EFNA5: variants seen among roughly 807,000 people sequenced by gnomAD.
The protein encoded by EFNA5 is ephrin-A5.
EFNA5 carries 5 observed loss-of-function variants against 22.9 expected under a neutral mutation model. The observed-to-expected ratio is 0.22, with a 90% CI of 0.11 to 0.46. The LOEUF is 0.46. Ranked by LOEUF, EFNA5 falls within the 20% of genes least tolerant of loss-of-function variation. The pLI is 0.99. For missense variants in EFNA5, 237 were observed against 293.3 expected (o/e 0.81, Z 1.40); for synonymous variants, 113 against 112.2 (o/e 1.01, Z -0.04).
intron 1 of EFNA5, among the ~76,000 whole-genome samples, chr5:107,535,627 C>T (rs1747915351): frequency 6.6e-6 from 1 of 152,090 alleles, no homozygotes; most frequent in South Asian, 2.1e-4. Context: ...ATATAGAGCC[C>T]TCTAACTGCA....
At chr5:107,430,575 CTCT>C (rs543744753) in intron 1 of EFNA5, among the ~76,000 whole-genome samples, 29 of 152,068 alleles carry the variant, frequency 1.9e-4, no homozygotes, top group Middle Eastern at 3.4e-3. Context: ...TAGAAGTTTG[CTCT>C]CCTTTCCTAA....
intron 1 of EFNA5, among the ~76,000 whole-genome samples, chr5:107,582,038 GC>G (rs1476647114): frequency 6.6e-6 from 1 of 152,184 alleles, no homozygotes; most frequent in Non-Finnish European, 1.5e-5. Context: ...AAATCCTGGT[GC>G]CTAAAGTCTT....
chr5:107,394,724 GGTAA>G (rs1393544762), intron 2 of EFNA5, among the ~76,000 whole-genome samples: 2 of 152,078 alleles, frequency 1.3e-5, no homozygotes, highest in African/African-American at 2.4e-5. Flanking sequence ...AATTCCAGCA[GGTAA>G]GTCTCAGTAG....
chr5:107,553,227 C>T (rs1468613533), intron 1 of EFNA5, among the ~76,000 whole-genome samples: 2 of 152,264 alleles, frequency 1.3e-5, no homozygotes, highest in East Asian at 1.9e-4. Flanking sequence ...GGGCAGGCAG[C>T]GGCCATGACT....
chr5:107,616,376 G>A (rs868841311), intron 1 of EFNA5, among the ~76,000 whole-genome samples: 11 of 152,274 alleles, frequency 7.2e-5, no homozygotes, highest in African/African-American at 2.2e-4. Context: ...CTGCACTACC[G>A]CAGCACACAC....
intron 1 of EFNA5, among the ~76,000 whole-genome samples, chr5:107,669,342 C>G (rs1334317612): frequency 6.6e-6 from 1 of 152,062 alleles, no homozygotes; most frequent in Non-Finnish European, 1.5e-5. Context: ...ACTTTAGATG[C>G]AATCGGTACT....
At chr5:107,438,596 A>G (rs867184081) in intron 1 of EFNA5, among the ~76,000 whole-genome samples, 15 of 152,214 alleles carry the variant, frequency 9.9e-5, no homozygotes, top group Admixed American at 2.6e-4. Context: ...ACTGTTCTCC[A>G]CCTACCTGAC....
chr5:107,448,584 A>C (rs948919518), intron 1 of EFNA5, among the ~76,000 whole-genome samples: 16 of 152,172 alleles, frequency 1.1e-4, no homozygotes, highest in African/African-American at 3.4e-4. Context: ...TAATCCCAGC[A>C]CTTTGGAAGG....
intron 1 of EFNA5, among the ~76,000 whole-genome samples, chr5:107,521,370 G>A (rs191215780): frequency 6.6e-6 from 1 of 151,448 alleles, no homozygotes; most frequent in East Asian, 1.9e-4. Context: ...GCTCACTGCA[G>A]CCTTGACCTC....
intron 1 of EFNA5, among the ~76,000 whole-genome samples, chr5:107,465,459 C>T (rs532432353): frequency 1.3e-5 from 2 of 152,240 alleles, no homozygotes; most frequent in South Asian, 4.1e-4. Flanking sequence ...ACCAAGGTTT[C>T]ACCGCTTTAC....
intron 1 of EFNA5, among the ~76,000 whole-genome samples, chr5:107,572,353 C>A (rs1389746104): frequency 6.6e-6 from 1 of 152,136 alleles, no homozygotes; most frequent in Non-Finnish European, 1.5e-5. Context: ...GCAGTCACCG[C>A]CCCAAACCAC....
At chr5:107,534,715 A>C (rs1039402544) in intron 1 of EFNA5, among the ~76,000 whole-genome samples, 2 of 152,214 alleles carry the variant, frequency 1.3e-5, no homozygotes, top group African/African-American at 4.8e-5. Context: ...ACATATAAGG[A>C]GAACAGCACT....
At chr5:107,513,803 G>A (rs1410701377) in intron 1 of EFNA5, among the ~76,000 whole-genome samples, 2 of 152,152 alleles carry the variant, frequency 1.3e-5, no homozygotes, top group Admixed American at 6.5e-5. Context: ...AGAACTCAGA[G>A]GGAGGGACAG....
intron 1 of EFNA5, among the ~76,000 whole-genome samples, chr5:107,635,533 T>C (rs1471115408): frequency 6.6e-6 from 1 of 152,226 alleles, no homozygotes; most frequent in African/African-American, 2.4e-5. Flanking sequence ...CTTTTCAATG[T>C]GTAAGTGCTT....
chr5:107,419,018 C>T (rs1748583570), intron 2 of EFNA5, among the ~76,000 whole-genome samples: 2 of 152,160 alleles, frequency 1.3e-5, no homozygotes, highest in Non-Finnish European at 2.9e-5. Flanking sequence ...TATGAATTGC[C>T]TCCTCCACCT....
chr5:107,528,598 T>C (rs1747746530), intron 1 of EFNA5, among the ~76,000 whole-genome samples: 1 of 152,196 alleles, frequency 6.6e-6, no homozygotes, highest in Non-Finnish European at 1.5e-5. Flanking sequence ...CATACACCTC[T>C]ATTCTTGGTT....
At chr5:107,530,856 T>C (rs1028670964) in intron 1 of EFNA5, among the ~76,000 whole-genome samples, 1 of 152,204 alleles carries the variant, frequency 6.6e-6, no homozygotes, top group South Asian at 2.1e-4. Flanking sequence ...AGTAGGCACC[T>C]GATAAAAGGC....
At chr5:107,551,474 C>G (rs163727) in intron 1 of EFNA5, among the ~76,000 whole-genome samples, 106,409 of 151,946 alleles carry the variant, frequency 0.7, 37,314 homozygotes, top group Middle Eastern at 0.76. Flanking sequence ...ATAACCTTTT[C>G]TAGTAATGAC....
chr5:107,599,348 G>T (rs1749540540), intron 1 of EFNA5, among the ~76,000 whole-genome samples: 1 of 152,302 alleles, frequency 6.6e-6, no homozygotes. Context: ...GCAAGATACA[G>T]AACAGAGATA....
Sources: allele counts gnomAD v4.1 joint callset (sites outside exome capture counted in the v4.1 genomes callset), GRCh38; gene constraint gnomAD v4.1.1; transcripts MANE v1.5; gene names NCBI Gene and HGNC (gene_info 2026-07-23, HGNC 2026-07-21).